Variants in ZBTB25 observed in about 807,000 individuals in gnomAD.
ZBTB25 encodes zinc finger and BTB domain containing 25.
Under a neutral mutation model 34.2 loss-of-function variants are expected in ZBTB25, and 20 were observed. That is an observed-to-expected ratio of 0.58 (90% CI 0.41 to 0.85). The LOEUF is 0.85. ZBTB25 is among the 40% of genes least tolerant of loss of function. The pLI is 0.00. For missense variants in ZBTB25, 437 were observed against 521.8 expected (o/e 0.84, Z 1.58); for synonymous variants, 175 against 186.4 (o/e 0.94, Z 0.50).
chr14:64,468,171 G>T, intron 2 of ZBTB25: 1 of 327,920 alleles, frequency 3.0e-6, no homozygotes, highest in Non-Finnish European at 5.6e-6. Context: ...CCAAAGAAGG[G>T]CTTTCATCAA....
Position 64,459,505 on chromosome 14 carries a change from T to C in ZBTB25, c.174-9867A>G, listed in dbSNP as rs185382586. 7.2e-5 allele frequency among the ~76,000 whole-genome samples: 11 copies of C among 152,374 alleles called. No homozygotes were observed. The East Asian group carries it at 1.7e-3, about 24-fold the overall frequency. On this transcript the variant is annotated intron_variant, in intron 2 of 2. Coordinates refer to the ZBTB25 transcript ENST00000555220. Reference sequence around the variant, plus strand: ...TAGAACACTATTCTTTGAGAGGGTATGTGTGATACTCGAAATGCAGTCATG... The same window carrying C: ...TAGAACACTATTCTTTGAGAGGGTACGTGTGATACTCGAAATGCAGTCATG...
intron 1 of ZBTB25, among the ~76,000 whole-genome samples, chr14:64,500,512 G>C (rs893226512): frequency 7.1e-5 from 10 of 141,558 alleles, no homozygotes; most frequent in African/African-American, 2.6e-4. Flanking sequence ...TGCTAGCAAA[G>C]GGAAAGCAGA....
chr14:64,486,819 A>G lies in ZBTB25; in HGVS notation c.*104T>C. The G allele has an allele frequency of 1.4e-6, 2 of 1,450,922 alleles. No homozygotes were observed. Among genetic ancestry groups the G allele is most frequent in the Non-Finnish European group, 1.8e-6 (2 of 1,105,484 alleles). 89.9% of individuals were successfully genotyped at this position (1,450,922 alleles called of 1,614,324 possible). On this transcript the variant is annotated 3_prime_UTR_variant, in exon 3 of 3. Coordinates refer to ENST00000608382, the MANE Select transcript of ZBTB25 (RefSeq NM_006977.5). ...TTAAAACCATGGATAAGCTGTGAAGAAAAAAAGTCAATGAAACTTGAGGAG... is the reference window on the plus strand; with the variant it reads ...TTAAAACCATGGATAAGCTGTGAAGGAAAAAAGTCAATGAAACTTGAGGAG...
At chr14:64,460,019 A>G in intron 2 of ZBTB25, 2 of 1,153,258 alleles carry the variant, frequency 1.7e-6, no homozygotes, top group Non-Finnish European at 1.2e-6. Context: ...TGGTGTTGCA[A>G]TATGAATTAC....
chr14:64,458,383 G>C, intron 2 of ZBTB25: 1 of 975,768 alleles, frequency 1.0e-6, no homozygotes, highest in East Asian at 2.4e-5. Context: ...TCAAACTGAC[G>C]CTATAAAAAT....
chr14:64,492,556 A>T lies in ZBTB25; in HGVS notation c.-7-2016T>A, dbSNP rs1840193478. 2.0e-5 allele frequency among the ~76,000 whole-genome samples: 3 copies of T among 152,002 alleles called. No individual in the cohort carries two copies. The South Asian group carries it at 6.2e-4, about 32-fold the overall frequency. ...GAAAAACGTGTCTTAGAATCAATGA[A>T]ATGGTTCATATTGAAGCATCTTAAA... On this transcript the variant is annotated intron_variant, in intron 1 of 2. Coordinates refer to ENST00000608382, the MANE Select transcript of ZBTB25 (RefSeq NM_006977.5).
intron 1 of ZBTB25, among the ~76,000 whole-genome samples, chr14:64,494,391 G>A (rs2079195186): frequency 6.6e-6 from 1 of 152,226 alleles, no homozygotes. Flanking sequence ...CCAGCCCTTT[G>A]GGAGGACAAG....
rs867031748 is a variant in ZBTB25 at position 64,486,175 on chromosome 14, G to T, written c.*748C>A. 1.9e-5 allele frequency: 13 copies of T among 673,950 alleles called. No individual in the cohort carries two copies. Among genetic ancestry groups the T allele is most frequent in the Non-Finnish European group, 2.4e-5 (13 of 546,324 alleles). The allele number at this position is 673,950 out of a possible 1,614,324, so 41.7% of individuals were successfully genotyped here. On this transcript the variant is annotated 3_prime_UTR_variant, in exon 3 of 3. Transcript: ENST00000608382. ...AAATTAGCTGGGCGTGGTGGCGGGC[G>T]CCTGTAGTCCCAGCTGCTCAGGAGG... is the stretch of plus-strand genomic sequence containing the variant.
At chr14:64,476,929 CTT>C (rs753304200), downstream of ZBTB25, among the ~76,000 whole-genome samples, 8 of 152,208 alleles carry the variant, frequency 5.3e-5, no homozygotes, top group South Asian at 2.1e-4. Flanking sequence ...AACTCTAAGA[CTT>C]ATATTTTTCT....
At chr14:64,475,045 C>T (rs936932326), downstream of ZBTB25, among the ~76,000 whole-genome samples, 6 of 152,152 alleles carry the variant, frequency 3.9e-5, no homozygotes, top group African/African-American at 4.8e-5. Flanking sequence ...CTTGATAATA[C>T]CTTAAAAGTC....
chr14:64,504,811 A>C (rs1354160959), upstream of ZBTB25: 3 of 388,060 alleles, frequency 7.7e-6, no homozygotes, highest in Non-Finnish European at 1.4e-5. Context: ...CTCTCCGCGC[A>C]GCCCAGCCCG....
chr14:64,449,578 G>A lies in ZBTB25; in HGVS notation c.234C>T (p.Cys78=). Residue 78 remains cysteine, a synonymous_variant, in exon 3 of 3, where the codon TGC becomes TGT. Coordinates refer to the ZBTB25 transcript ENST00000555220. ...AGCCCTGGCTCAGGCCGTCCAGAGA[G>A]CAGCACAAGCACCCAGCAGCTTCCA... 18 of 1,614,200 alleles carry A rather than the reference G, an allele frequency of 1.1e-5. 1 individual carries two copies. Among genetic ancestry groups the A allele is most frequent in the South Asian group, 2.2e-5 (2 of 91,088 alleles).
chr14:64,492,472 C>A (rs1379705809), intron 1 of ZBTB25, among the ~76,000 whole-genome samples: 1 of 151,954 alleles, frequency 6.6e-6, no homozygotes, highest in South Asian at 2.1e-4. Context: ...CTCCTAAAGG[C>A]ATGAGCCACC....
chr14:64,480,441 T>A lies in ZBTB25; in HGVS notation c.*6482A>T. 1 of 355,124 alleles carries A rather than the reference T, an allele frequency of 2.8e-6. No individual in the cohort carries two copies. Among genetic ancestry groups the A allele is most frequent in the Non-Finnish European group, 5.4e-6 (1 of 184,524 alleles). The allele number at this position is 355,124 out of a possible 1,614,324, so 22.0% of individuals were successfully genotyped here. On this transcript the variant is annotated 3_prime_UTR_variant, in exon 3 of 3. Coordinates refer to ENST00000608382, the MANE Select transcript of ZBTB25 (RefSeq NM_006977.5). The stretch of plus-strand genomic sequence containing the variant: ...AAAGCATTTGATTAGGACGTCAATT[T>A]TCGATTAACACAGATTATGGTCGGT...
At chr14:64,458,180 A>G (rs776294336) in intron 2 of ZBTB25, 5 of 1,494,112 alleles carry the variant, frequency 3.3e-6, no homozygotes, top group Non-Finnish European at 4.7e-6. Context: ...TGTGCCCAGC[A>G]TTAGTTTATT....
intron 1 of ZBTB25, among the ~76,000 whole-genome samples, chr14:64,492,905 T>C (rs2079135611): frequency 6.6e-6 from 1 of 151,808 alleles, no homozygotes; most frequent in South Asian, 2.1e-4. Context: ...AGATAAAACA[T>C]CAAACCATAA....
intron 1 of ZBTB25, chr14:64,503,199 C>A: frequency 1.0e-6 from 1 of 985,474 alleles, no homozygotes; most frequent in Non-Finnish European, 1.2e-6. Context: ...GGGGGGATGT[C>A]TTCTTGCCCT....
At chr14:64,505,066 G>T, upstream of ZBTB25, 1 of 368,140 alleles carries the variant, frequency 2.7e-6, no homozygotes, top group South Asian at 1.4e-4. Flanking sequence ...GGGAGCCGGA[G>T]CGCGGCGGAC....
rs140411148 is a variant in ZBTB25, at chr14:64,468,700, G to A, written c.174-19062C>T. 14 of 1,614,130 alleles carry A rather than the reference G, an allele frequency of 8.7e-6. No individual in the cohort carries two copies. The East Asian group carries it at 2.9e-4, about 33-fold the overall frequency. ...CTTCAAAGCAGCAAAAGCCATTGGA[G>A]GGTGAAATGCAACCTGCAATAAATG... On this transcript the variant is annotated intron_variant, in intron 2 of 2. Transcript: ENST00000555220.
Sources: gnomAD v4.1 joint callset for allele counts (sites outside exome capture counted in the v4.1 genomes callset) on GRCh38, gnomAD v4.1.1 for gene constraint, MANE v1.5 for transcripts, NCBI Gene and HGNC (gene_info 2026-07-23, HGNC 2026-07-21) for gene names.